The following UGT2A2 variants were observed in gnomAD, a reference collection of about 807,000 sequenced individuals.
UGT2A2 encodes the protein UDP glucuronosyltransferase family 2 member A2.
A neutral mutation model predicts 50.7 loss-of-function variants in UGT2A2; 60 were observed. The ratio of observed to expected loss-of-function variants is 1.18; its 90% CI spans 0.96 to 1.47. The LOEUF (loss-of-function observed/expected upper bound fraction) is 1.47. Among genes scored for constraint, UGT2A2 ranks in the 40% most tolerant of loss-of-function variants. The pLI is 0.00. For synonymous variants in UGT2A2, 242 were observed against 214.6 expected, an observed-to-expected ratio of 1.13 and a Z score of -1.11; for missense variants, 762 against 634.0, an observed-to-expected ratio of 1.20 and a Z score of -2.17.
rs766553870 is a variant in UGT2A2, at chr4:69,596,370, T to C, written c.903A>G (p.Glu301=). The change falls in exon 3 of 6, where the codon GAA becomes GAG. Residue 301 remains glutamate (E), a synonymous_variant. Coordinates refer to ENST00000604629, the MANE Select transcript of UGT2A2 (RefSeq NM_001105677.2). ...CATTTTTACCTGAGCTCTGGATAAA[T>C]TCTTCCATTTCCTGCATACATAATA... ...PAKPLPKEME[E]FIQSSGKNGV... The C allele has an allele frequency of 9.4e-6, 15 of 1,596,276 alleles. No individual in the cohort carries two copies. The highest frequency in any genetic ancestry group is 1.2e-5 in the Non-Finnish European group (14 of 1,171,174).
At position 69,589,287 on chromosome 4, in the gene UGT2A2, AC is replaced by A; in HGVS notation, c.*84del. On this transcript the variant is annotated 3_prime_UTR_variant, in exon 6 of 6. Coordinates refer to ENST00000604629, the MANE Select transcript of UGT2A2 (RefSeq NM_001105677.2). Reference sequence around the variant, plus strand: ...AGGATGGGAGACGTGTTTTTGTTAAACTCCTTTTGTCTGGAATTAATAGGAC... The same window carrying A: ...AGGATGGGAGACGTGTTTTTGTTAAATCCTTTTGTCTGGAATTAATAGGAC... The A allele has an allele frequency of 1.4e-6, 2 of 1,405,734 alleles. No homozygotes were observed. The highest frequency in any genetic ancestry group is 1.9e-6 in the Non-Finnish European group (2 of 1,071,370). 87.1% of individuals were successfully genotyped at this position (1,405,734 alleles called of 1,614,324 possible). A position where few individuals can be genotyped will look rare whatever the true frequency, so the allele number is the denominator to read the frequency against.
intron 1 of UGT2A2, among the ~76,000 whole-genome samples, chr4:69,622,239 T>C (rs909182874): frequency 4.0e-5 from 6 of 151,656 alleles, no homozygotes; most frequent in Admixed American, 4.0e-4. Context: ...TTATGAATAC[T>C]TACCAAAACA....
chr4:69,627,755 TTAA>T (rs1282747420), intron 1 of UGT2A2, among the ~76,000 whole-genome samples: 1 of 151,704 alleles, frequency 6.6e-6, no homozygotes, highest in African/African-American at 2.4e-5. Flanking sequence ...CAAACTGGAA[TTAA>T]TGATGAACAA....
At chr4:69,633,083 A>G (rs1721475896) in intron 1 of UGT2A2, among the ~76,000 whole-genome samples, 1 of 152,144 alleles carries the variant, frequency 6.6e-6, no homozygotes, top group African/African-American at 2.4e-5. Flanking sequence ...ATGAAGAATG[A>G]GAAGTAAGAG....
intron 1 of UGT2A2, among the ~76,000 whole-genome samples, chr4:69,607,439 C>A (rs111766920): frequency 6.6e-6 from 1 of 150,844 alleles, no homozygotes; most frequent in South Asian, 2.1e-4. Context: ...TAAAGACTTA[C>A]ATGTTAGACC....
intron 1 of UGT2A2, chr4:69,635,698 C>T: frequency 3.5e-6 from 1 of 284,868 alleles, no homozygotes. Context: ...GACCTGCTGG[C>T]AGCCTGTAAT....
intron 1 of UGT2A2, among the ~76,000 whole-genome samples, chr4:69,621,449 G>A (rs1459649416): frequency 6.6e-6 from 1 of 151,948 alleles, no homozygotes; most frequent in Non-Finnish European, 1.5e-5. Context: ...ACCACAGTGA[G>A]ATACCATTTT....
chr4:69,603,288 T>C (rs147762820), intron 1 of UGT2A2, among the ~76,000 whole-genome samples: 1 of 135,366 alleles, frequency 7.4e-6, no homozygotes, highest in South Asian at 2.4e-4. Context: ...AGGAAAGCAG[T>C]TAAGATAGTG....
intron 1 of UGT2A2, among the ~76,000 whole-genome samples, chr4:69,631,871 G>A (rs1235450409): frequency 1.3e-5 from 2 of 151,948 alleles, no homozygotes; most frequent in African/African-American, 4.8e-5. Flanking sequence ...CTAACACAAG[G>A]CTACCACTTC....
intron 2 of UGT2A2, among the ~76,000 whole-genome samples, chr4:69,598,075 A>G (rs577959916): frequency 6.6e-6 from 1 of 152,288 alleles, no homozygotes. Context: ...ACCTATGGAT[A>G]CGTCATGAAT....
In UGT2A2 at chr4:69,588,701, A is replaced by C. The variant is rs1361767461; in HGVS notation, c.*671T>G. On this transcript the variant is annotated 3_prime_UTR_variant, in exon 6 of 6. Coordinates refer to ENST00000604629, the MANE Select transcript of UGT2A2 (RefSeq NM_001105677.2). ...GATTGATTTATTAAAGACAGTACCCAAATCTTCCACTACAGGTTATATAAG... is the reference window on the plus strand; with the variant it reads ...GATTGATTTATTAAAGACAGTACCCCAATCTTCCACTACAGGTTATATAAG... 6.6e-6 allele frequency: 1 copy of C among 152,108 alleles called. No homozygotes were observed. The highest frequency in any genetic ancestry group is 1.5e-5 in the Non-Finnish European group (1 of 68,012). The allele number at this position is 152,108 out of a possible 1,614,324, so 9.4% of individuals were successfully genotyped here. A position where few individuals can be genotyped will look rare whatever the true frequency, so the allele number is the denominator to read the frequency against.
At position 69,594,484 on chromosome 4, in the gene UGT2A2, C is replaced by G. The variant is rs1718789033; in HGVS notation, c.1324G>C (p.Glu442Gln). ...LLSALRTVIN[E>Q]PSYKENAMRL... is the part of the protein sequence containing the mutation. ...AGGAGCCTTAGTACTTACGAAGGTTCATTAATGACTGTTCTCAAAGCGCTA... is the reference window on the plus strand; with the variant it reads ...AGGAGCCTTAGTACTTACGAAGGTTGATTAATGACTGTTCTCAAAGCGCTA... Residue 442 changes from glutamate (E) to glutamine (Q), a missense_variant, in exon 5 of 6, where the codon GAA becomes CAA. By Grantham distance (29) the Glu-to-Gln change is conservative (BLOSUM62 2). Transcript: ENST00000604629. The G allele has an allele frequency of 6.2e-7, 1 of 1,613,966 alleles. No individual in the cohort carries two copies. Among genetic ancestry groups the G allele is most frequent in the African/African-American group, 1.3e-5 (1 of 74,916 alleles).
chr4:69,630,338 C>A (rs1035253803), intron 1 of UGT2A2, among the ~76,000 whole-genome samples: 1 of 151,972 alleles, frequency 6.6e-6, no homozygotes, highest in Non-Finnish European at 1.5e-5. Context: ...TGCCATGCAG[C>A]GTCTTTACTC....
chr4:69,633,694 A>G (rs546873577), intron 1 of UGT2A2, among the ~76,000 whole-genome samples: 24 of 152,334 alleles, frequency 1.6e-4, no homozygotes, highest in Admixed American at 1.5e-3. Context: ...AGCAAGATAC[A>G]AAGGAGTACA....
chr4:69,627,874 T>A (rs937874683), intron 1 of UGT2A2, among the ~76,000 whole-genome samples: 36 of 151,960 alleles, frequency 2.4e-4, no homozygotes, highest in Admixed American at 4.6e-4. Context: ...TAAAAGAGAA[T>A]GGAGATAAAA....
At chr4:69,612,346 C>T (rs1172364925) in intron 1 of UGT2A2, among the ~76,000 whole-genome samples, 1 of 152,014 alleles carries the variant, frequency 6.6e-6, no homozygotes, top group Non-Finnish European at 1.5e-5. Context: ...TTTACACATT[C>T]AATGACATTC....
intron 2 of UGT2A2, 149 bp from the exon 3 acceptor site, chr4:69,596,530 T>C (rs2109884213): frequency 1.6e-6 from 2 of 1,235,876 alleles, no homozygotes; most frequent in Non-Finnish European, 2.1e-6. Flanking sequence ...ATCTAGTTTC[T>C]ATATTTTTTT....
chr4:69,629,456 A>G (rs1177339548), intron 1 of UGT2A2, among the ~76,000 whole-genome samples: 1 of 152,084 alleles, frequency 6.6e-6, no homozygotes, highest in East Asian at 1.9e-4. Context: ...GTCTTGGTCC[A>G]CATTAGTTTG....
chr4:69,639,487 A>G lies in UGT2A2; in HGVS notation c.154T>C (p.Leu52=), dbSNP rs777690840. ...GTCACATTGTGATTTCTTTGAATCA[A>G]CTCTTCTAGAATAATCTTAATATTT... The part of the protein sequence containing the change: ...WLNIKIILEE[L]IQRNHNVTVL... Residue 52 remains leucine (L), a synonymous_variant, in exon 1 of 6, where the codon TTG becomes CTG. Transcript: ENST00000604629. The G allele has an allele frequency of 1.5e-5, 25 of 1,613,152 alleles. No individual in the cohort carries two copies. Among genetic ancestry groups the G allele is most frequent in the Non-Finnish European group, 2.0e-5 (24 of 1,179,522 alleles).
Sources: allele counts gnomAD v4.1 joint callset (sites outside exome capture counted in the v4.1 genomes callset), GRCh38; gene constraint gnomAD v4.1.1; transcripts MANE v1.5; gene names NCBI Gene and HGNC (gene_info 2026-07-23, HGNC 2026-07-21).